The following BLK variants were observed in gnomAD, a reference collection of about 807,000 sequenced individuals.
The protein encoded by BLK is BLK proto-oncogene, Src family tyrosine kinase, also known as tyrosine-protein kinase Blk.
In BLK, 64 loss-of-function variants were observed where a neutral mutation model predicts 61.8. The ratio of observed to expected loss-of-function variants is 1.03; its 90% CI spans 0.85 to 1.27. The LOEUF (loss-of-function observed/expected upper bound fraction) is 1.27, where lower values mean the gene tolerates loss of function less well. BLK is among the 50% of genes most tolerant of loss of function. The pLI, the probability that BLK is intolerant of heterozygous loss-of-function variation, is 0.00. For missense variants in BLK, 853 were observed against 660.5 expected, an observed-to-expected ratio of 1.29 and a Z score of -3.19; for synonymous variants, 351 against 272.0, an observed-to-expected ratio of 1.29 and a Z score of -2.86.
rs542670447 is a variant in BLK, at chr8:11,561,416, G to T, written c.1144G>T (p.Ala382Ser). Residue 382 changes from alanine (A) to serine (S), a missense_variant, in exon 11 of 13, where the codon GCT (alanine) becomes TCT (serine). By Grantham distance (99) the Ala-to-Ser change is moderately conservative. Transcript: ENST00000259089. ...CTGCAAAATTGCTGATTTTGGCTTG[G>T]CTCGAATCATCGACAGTGAATACAC... ...LCCKIADFGL[A>S]RIIDSEYTAQ... is the part of the protein sequence containing the mutation. The T allele has an allele frequency of 1.2e-6, 2 of 1,614,036 alleles. No individual in the cohort carries two copies. Among genetic ancestry groups the T allele is most frequent in the South Asian group, 2.2e-5 (2 of 91,054 alleles).
intron 6 of BLK, among the ~76,000 whole-genome samples, chr8:11,553,905 G>A (rs564873600): frequency 9.8e-4 from 149 of 152,302 alleles, no homozygotes; most frequent in South Asian, 2.9e-3. Flanking sequence ...TCCACAACGA[G>A]AACGAGGGGT....
chr8:11,542,228 G>A lies in BLK; in HGVS notation c.-1-996G>A, dbSNP rs79791529. Among the ~76,000 whole-genome samples the A allele has an allele frequency of 9.8e-3, 1,487 of 152,292 alleles. 12 individuals are homozygous for A. Among genetic ancestry groups the A allele is most frequent in the Middle Eastern group, 0.044 (13 of 294 alleles). On this transcript the variant is annotated intron_variant, in intron 1 of 12. Coordinates refer to ENST00000259089, the MANE Select transcript of BLK (RefSeq NM_001715.3). The stretch of plus-strand genomic sequence containing the variant: ...AAAAAATGCTGCTACTAGTTATACT[G>A]CAAAGCATCCTCCATTGTGAGACAC...
intron 1 of BLK, among the ~76,000 whole-genome samples, chr8:11,532,854 C>G (rs911726130): frequency 6.6e-6 from 1 of 152,208 alleles, no homozygotes; most frequent in Non-Finnish European, 1.5e-5. Context: ...TAGAGAGTGT[C>G]ACACTTGCAT....
chr8:11,511,559 A>G (rs2618458), intron 1 of BLK, among the ~76,000 whole-genome samples: 127,434 of 152,138 alleles, frequency 0.84, 53,559 homozygotes, highest in Admixed American at 0.89. Flanking sequence ...TTCCTTAAAC[A>G]CAAGTGTGTA....
rs2117318049 is a variant in BLK, at chr8:11,518,101, G to A, written c.-2+23510G>A. On this transcript the variant is annotated intron_variant, in intron 1 of 12. Coordinates refer to ENST00000259089, the MANE Select transcript of BLK (RefSeq NM_001715.3). ...GCTGGGAGGGGCGAGAGAGTGTGCA[G>A]GGTACGCAGTGGGTGAATAAGTGAG... 1.3e-5 allele frequency among the ~76,000 whole-genome samples: 2 copies of A among 152,276 alleles called. 1 individual carries two copies. Among genetic ancestry groups the A allele is most frequent in the South Asian group, 4.1e-4 (2 of 4,824 alleles).
At chr8:11,537,674 G>T (rs564765782) in intron 1 of BLK, among the ~76,000 whole-genome samples, 1 of 152,102 alleles carries the variant, frequency 6.6e-6, no homozygotes, top group African/African-American at 2.4e-5. Flanking sequence ...ACCTCGCCTC[G>T]CCTTCTTCAG....
rs528343677 is a variant in BLK at position 11,554,834 on chromosome 8, C to T, written c.564C>T (p.Tyr188=). 2.0e-5 allele frequency: 32 copies of T among 1,614,026 alleles called. No individual in the cohort carries two copies. The highest frequency in any genetic ancestry group is 3.3e-4 in the Middle Eastern group (2 of 6,046). Residue 188 remains tyrosine, a synonymous_variant, in exon 7 of 13, where the codon TAC becomes TAT. Coordinates refer to ENST00000259089, the MANE Select transcript of BLK (RefSeq NM_001715.3). ...KIRCLDEGGY[Y]ISPRITFPSL... ...GCTGCCTGGATGAAGGGGGCTACTA[C>T]ATCTCCCCCCGGATCACCTTCCCCT...
chr8:11,494,723 T>A (rs2117217103), intron 1 of BLK, 132 bp downstream of exon 1: 1 of 152,400 alleles, frequency 6.6e-6, no homozygotes, highest in East Asian at 1.9e-4. Flanking sequence ...GAGGCATGAA[T>A]GGATCGCTGC....
intron 1 of BLK, among the ~76,000 whole-genome samples, chr8:11,537,555 G>C (rs1226747945): frequency 6.6e-6 from 1 of 152,172 alleles, no homozygotes; most frequent in Non-Finnish European, 1.5e-5. Context: ...CAGAGCCTCA[G>C]GCAGGGCCAC....
At chr8:11,507,675 T>C (rs866846861) in intron 1 of BLK, among the ~76,000 whole-genome samples, 7 of 152,128 alleles carry the variant, frequency 4.6e-5, no homozygotes, top group Non-Finnish European at 1.0e-4. Context: ...ACTGGGTCCA[T>C]GTCAACATAC....
intron 1 of BLK, among the ~76,000 whole-genome samples, chr8:11,516,963 T>G (rs545886917): frequency 6.6e-6 from 1 of 152,236 alleles, no homozygotes; most frequent in Non-Finnish European, 1.5e-5. Context: ...CTGGATCATA[T>G]GGTAATTCTA....
intron 1 of BLK, among the ~76,000 whole-genome samples, chr8:11,523,333 C>T (rs1021883584): frequency 6.6e-6 from 1 of 152,158 alleles, no homozygotes; most frequent in African/African-American, 2.4e-5. Context: ...GCAGGAGGAT[C>T]ACTTGAAGTC....
chr8:11,495,937 T>C (rs1474681592), intron 1 of BLK, among the ~76,000 whole-genome samples: 1 of 152,178 alleles, frequency 6.6e-6, no homozygotes, highest in Non-Finnish European at 1.5e-5. Context: ...TCTCCAAATC[T>C]AAAATTACTG....
intron 1 of BLK, among the ~76,000 whole-genome samples, chr8:11,518,840 G>A (rs929394612): frequency 2.6e-5 from 4 of 152,142 alleles, no homozygotes; most frequent in East Asian, 1.9e-4. Flanking sequence ...CTGGGAATCT[G>A]CCAAGCCTGT....
intron 10 of BLK, chr8:11,560,255 GTGGGTGGGTGGGTGGATGGATGGA>G (rs1316766917): frequency 7.1e-6 from 1 of 141,620 alleles, no homozygotes; most frequent in Non-Finnish European, 1.4e-5. Flanking sequence ...GGATGGATGG[GTGGGTGGGTGGGTGGATGGATGGA>G]TGGATCCATG....
chr8:11,503,647 CT>C (rs1245657336), intron 1 of BLK, among the ~76,000 whole-genome samples: 2 of 152,162 alleles, frequency 1.3e-5, no homozygotes, highest in Non-Finnish European at 2.9e-5. Context: ...CAAGGGTGCT[CT>C]TTCTTGGCAA....
At chr8:11,514,811 G>A (rs560055574) in intron 1 of BLK, among the ~76,000 whole-genome samples, 40 of 152,204 alleles carry the variant, frequency 2.6e-4, no homozygotes, top group East Asian at 9.7e-4. Flanking sequence ...CAGATTCCTG[G>A]CCCTGTTTCA....
intron 1 of BLK, among the ~76,000 whole-genome samples, chr8:11,519,878 A>C (rs577816981): frequency 6.6e-6 from 1 of 152,198 alleles, no homozygotes; most frequent in East Asian, 1.9e-4. Flanking sequence ...CGCCCCCACT[A>C]TCAGAAAGAC....
intron 5 of BLK, 141 bp from the exon 6 acceptor site, chr8:11,550,018 G>A (rs1800827221): frequency 2.7e-6 from 2 of 750,956 alleles, no homozygotes; most frequent in Non-Finnish European, 4.6e-6. Context: ...ACGGTGTGAG[G>A]AGCAGCAGCT....
Sources: allele counts gnomAD v4.1 joint callset (sites outside exome capture counted in the v4.1 genomes callset), GRCh38; gene constraint gnomAD v4.1.1; transcripts MANE v1.5; gene names NCBI Gene and HGNC (gene_info 2026-07-23, HGNC 2026-07-21).